PLEKHG1: variants seen among roughly 807,000 people sequenced by gnomAD.
PLEKHG1 encodes the protein pleckstrin homology domain-containing family G member 1.
PLEKHG1 carries 44 observed loss-of-function variants against 100.8 expected under a neutral mutation model. That is an observed-to-expected ratio of 0.44 (90% CI 0.34 to 0.56). The LOEUF (loss-of-function observed/expected upper bound fraction) is 0.56, where lower values mean the gene tolerates loss of function less well. Ranked by LOEUF, PLEKHG1 falls within the 20% of genes least tolerant of loss-of-function variation. The probability of loss-of-function intolerance (pLI) is 0.01; values close to 1 mark genes in which losing one functional copy is unlikely to be tolerated. For missense variants in PLEKHG1, 1,545 were observed against 1,720.9 expected, an observed-to-expected ratio of 0.90 and a Z score of 1.81; for synonymous variants, 640 against 662.5, an observed-to-expected ratio of 0.97 and a Z score of 0.52.
At chr6:150,639,866 GT>G (rs1778178639) in intron 2 of PLEKHG1, among the ~76,000 whole-genome samples, 1 of 152,200 alleles carries the variant, frequency 6.6e-6, no homozygotes, top group Non-Finnish European at 1.5e-5. Context: ...CTTTTATTCT[GT>G]ATCAATGATG....
chr6:150,818,291 T>A (rs368383797), intron 11 of PLEKHG1, 75 bp downstream of exon 12: 52 of 1,104,310 alleles, frequency 4.7e-5, no homozygotes, highest in African/African-American at 4.0e-4. Context: ...ATCTTAAAGT[T>A]CATGAAAATG....
Position 150,610,076 on chromosome 6 carries a change from TG to T in PLEKHG1, c.-204+10062del, listed in dbSNP as rs1776758080. Among the ~76,000 whole-genome samples, 4 of 152,312 alleles carry T rather than the reference TG, an allele frequency of 2.6e-5. No individual in the cohort carries two copies. In the East Asian group the frequency reaches 7.7e-4, roughly 29 times the overall value. ...CCTTCCTTTCAGCTCCCTGGCATCC[TG>T]GGTACCTCTATTTTAGCTCTTTCCT... On this transcript the variant is annotated intron_variant, in intron 1 of 3. Transcript: ENST00000367326.
exon 10 of PLEKHG1, chr6:150,809,730 C>A (rs1787374810): frequency 1.9e-6 from 3 of 1,609,978 alleles, no homozygotes; most frequent in Non-Finnish European, 2.6e-6. Context: ...AAGATTCCAG[C>A]TAAGGTAGGA....
At chr6:150,684,937 T>A (rs142178339) in intron 3 of PLEKHG1, among the ~76,000 whole-genome samples, 1 of 152,248 alleles carries the variant, frequency 6.6e-6, no homozygotes, top group Non-Finnish European at 1.5e-5. Flanking sequence ...TCTCTGCCAC[T>A]TCACCCTAAG....
At chr6:150,734,251 C>T (rs938551311) in intron 2 of PLEKHG1, among the ~76,000 whole-genome samples, 159 bp downstream of exon 3, 2 of 152,158 alleles carry the variant, frequency 1.3e-5, no homozygotes, top group African/African-American at 4.8e-5. Context: ...GGCCGTAACC[C>T]ACTGTGTTAA....
chr6:150,714,918 C>T (rs11754365), intron 3 of PLEKHG1, among the ~76,000 whole-genome samples: 2 of 151,876 alleles, frequency 1.3e-5, no homozygotes, highest in Admixed American at 6.6e-5. Flanking sequence ...AAGTGATTCT[C>T]GTGCCTCAGC....
intron 3 of PLEKHG1, among the ~76,000 whole-genome samples, chr6:150,710,897 C>T (rs1413694255): frequency 6.6e-6 from 1 of 152,146 alleles, no homozygotes; most frequent in Non-Finnish European, 1.5e-5. Flanking sequence ...GCCTGGTCCC[C>T]TTTACACGTT....
Position 150,684,135 on chromosome 6 carries a change from T to C in PLEKHG1, c.-99+33349T>C, listed in dbSNP as rs546382901. 9.2e-5 allele frequency among the ~76,000 whole-genome samples: 14 copies of C among 152,270 alleles called. No individual in the cohort carries two copies. In the East Asian group the frequency reaches 2.1e-3, roughly 23 times the overall value. On this transcript the variant is annotated intron_variant, in intron 3 of 3. Transcript: ENST00000367326. ...CCCTCAGGCTAGTAAATTGGCATCT[T>C]CATATTATCCTTAGATCCAGGCTGA... is the stretch of plus-strand genomic sequence containing the variant.
At chr6:150,607,839 G>A (rs1006337032) in intron 1 of PLEKHG1, among the ~76,000 whole-genome samples, 1 of 152,182 alleles carries the variant, frequency 6.6e-6, no homozygotes, top group African/African-American at 2.4e-5. Flanking sequence ...GCATGGATGG[G>A]CTGATTAGTA....
chr6:150,803,563 G>A (rs1035357266), intron 6 of PLEKHG1, among the ~76,000 whole-genome samples: 1 of 152,130 alleles, frequency 6.6e-6, no homozygotes, highest in African/African-American at 2.4e-5. Context: ...CCTCTCTCAC[G>A]TTCCTGGGAG....
chr6:150,750,587 C>T (rs1377064759), intron 2 of PLEKHG1, among the ~76,000 whole-genome samples: 1 of 151,632 alleles, frequency 6.6e-6, no homozygotes, highest in South Asian at 2.1e-4. Flanking sequence ...GAGACCATCC[C>T]GGCTAAAACG....
At chr6:150,808,045 T>C (rs1242475103) in intron 7 of PLEKHG1, among the ~76,000 whole-genome samples, 1 of 152,142 alleles carries the variant, frequency 6.6e-6, no homozygotes, top group East Asian at 1.9e-4. Flanking sequence ...CAACAGTAAT[T>C]TATAAAATAA....
At chr6:150,699,602 C>T (rs777886005) in intron 3 of PLEKHG1, among the ~76,000 whole-genome samples, 4 of 152,290 alleles carry the variant, frequency 2.6e-5, no homozygotes, top group Non-Finnish European at 5.9e-5. Context: ...TGAGAACAAG[C>T]GATGTTCTAT....
chr6:150,731,519 A>G (rs1407145265), intron 1 of PLEKHG1, among the ~76,000 whole-genome samples: 1 of 152,226 alleles, frequency 6.6e-6, no homozygotes, highest in Non-Finnish European at 1.5e-5. Context: ...TTTATATTCT[A>G]AAAATATTAG....
intron 3 of PLEKHG1, among the ~76,000 whole-genome samples, chr6:150,682,899 G>A (rs1280030131): frequency 1.3e-5 from 2 of 152,152 alleles, no homozygotes; most frequent in Non-Finnish European, 2.9e-5. Flanking sequence ...CCACATGAGA[G>A]AACAGCAGGA....
intron 3 of PLEKHG1, among the ~76,000 whole-genome samples, chr6:150,694,622 C>T (rs1780474125): frequency 6.6e-6 from 1 of 151,352 alleles, no homozygotes; most frequent in South Asian, 2.1e-4. Context: ...ATTGCTTGAA[C>T]CTGGGAGGCA....
intron 3 of PLEKHG1, among the ~76,000 whole-genome samples, chr6:150,654,425 G>A (rs958900199): frequency 6.6e-6 from 1 of 152,208 alleles, no homozygotes; most frequent in Non-Finnish European, 1.5e-5. Context: ...CTTCCCTGGA[G>A]GGTAGGCATC....
At chr6:150,819,500 G>A (rs192717946) in intron 11 of PLEKHG1, among the ~76,000 whole-genome samples, 179 bp from the exon 13 acceptor site, 195 of 152,106 alleles carry the variant, frequency 1.3e-3, no homozygotes, top group African/African-American at 4.5e-3. Context: ...GGGAGGTGGA[G>A]GTCAGCAGTG....
At chr6:150,658,200 G>A (rs756921904) in intron 3 of PLEKHG1, among the ~76,000 whole-genome samples, 37 of 152,062 alleles carry the variant, frequency 2.4e-4, no homozygotes, top group Non-Finnish European at 4.4e-4. Context: ...GCATTATACC[G>A]TCATGCCTTT....
Sources: gnomAD v4.1 joint callset for allele counts (sites outside exome capture counted in the v4.1 genomes callset) on GRCh38, gnomAD v4.1.1 for gene constraint, MANE v1.5 for transcripts, NCBI Gene and HGNC (gene_info 2026-07-23, HGNC 2026-07-21) for gene names.